Variants in DST observed in about 807,000 individuals in gnomAD.
DST encodes bullous pemphigoid antigen.
In DST, 253 loss-of-function variants were observed where a neutral mutation model predicts 875.2. The observed-to-expected ratio is 0.29, with a 90% confidence interval of 0.26 to 0.32. DST has a LOEUF of 0.32. Among genes scored for constraint, DST ranks in the 10% least tolerant of loss-of-function variants. The pLI is 1.00. For synonymous variants in DST, 3,124 were observed against 3,197.1 expected, an observed-to-expected ratio of 0.98 and a Z score of 0.77; for missense variants, 8,287 against 9,111.6, an observed-to-expected ratio of 0.91 and a Z score of 3.68.
chr6:56,678,613 C>A (rs776005971), intron 9 of DST, among the ~76,000 whole-genome samples: 3 of 152,100 alleles, frequency 2.0e-5, no homozygotes, highest in African/African-American at 4.8e-5. Flanking sequence ...GATGCCATGT[C>A]AAAATAAAAG....
intron 92 of DST, 59 bp downstream of exon 92, chr6:56,476,090 G>A: frequency 7.1e-7 from 1 of 1,412,730 alleles, no homozygotes; most frequent in South Asian, 1.4e-5. Flanking sequence ...GTACAGCAGT[G>A]AAAGAAAGAA....
At position 56,572,100 on chromosome 6, in the gene DST, T is replaced by C; in HGVS notation, c.13721A>G (p.Lys4574Arg). Residue 4574 changes from lysine to arginine, a missense_variant and splice_region_variant, in exon 53 of 104, where the codon AAA becomes AGA. Transcript: ENST00000680361. ...FKEMEDTIKE[K>R]KEAVTSCQEQ... ...ATATAATTTTTAAAGTGGTACTTAC[T>C]TTTCTTTGATGGTATCCTCCATTTC... is the stretch of plus-strand genomic sequence containing the variant. 1 of 1,469,818 alleles carries C rather than the reference T, an allele frequency of 6.8e-7. No individual in the cohort carries two copies. Among genetic ancestry groups the C allele is most frequent in the Non-Finnish European group, 9.0e-7 (1 of 1,106,812 alleles). The allele number at this position is 1,469,818 out of a possible 1,614,324, so 91.0% of individuals were successfully genotyped here.
intron 36 of DST, among the ~76,000 whole-genome samples, chr6:56,621,475 G>A (rs2098690154): frequency 6.6e-6 from 1 of 152,114 alleles, no homozygotes. Flanking sequence ...TGTTGCTGTT[G>A]TTAATAACAT....
intron 85 of DST, among the ~76,000 whole-genome samples, chr6:56,491,910 G>T (rs573348854): frequency 1.3e-5 from 2 of 152,254 alleles, no homozygotes; most frequent in Non-Finnish European, 2.9e-5. Context: ...AAAGGACAAA[G>T]AAAAAGAAAA....
chr6:56,915,910 T>G (rs1186194741), intron 2 of DST, among the ~76,000 whole-genome samples: 1 of 152,234 alleles, frequency 6.6e-6, no homozygotes, highest in Admixed American at 6.5e-5. Flanking sequence ...TCCAGTAATA[T>G]CTTTGTCTTC....
At chr6:56,925,441 T>C (rs1177437566) in intron 2 of DST, among the ~76,000 whole-genome samples, 1 of 152,242 alleles carries the variant, frequency 6.6e-6, no homozygotes, top group South Asian at 2.1e-4. Context: ...ACTCTGCCCC[T>C]GGCAGAGATG....
At chr6:56,570,143 T>C in intron 53 of DST, 131 bp from the exon 54 acceptor site, 1 of 640,346 alleles carries the variant, frequency 1.6e-6, no homozygotes, top group Non-Finnish European at 2.5e-6. Flanking sequence ...AGGAAAGGTT[T>C]CATAGGTGAC....
At chr6:56,591,949 T>A (rs4712137) in intron 49 of DST, among the ~76,000 whole-genome samples, 4 of 133,558 alleles carry the variant, frequency 3.0e-5, no homozygotes, top group Non-Finnish European at 6.1e-5. Flanking sequence ...ACTACTGCAC[T>A]CCAGCCTACA....
chr6:56,470,727 T>G (rs7756839), intron 95 of DST, among the ~76,000 whole-genome samples: 5,855 of 141,124 alleles, frequency 0.041, 369 homozygotes, highest in African/African-American at 0.13. Flanking sequence ...GAATGTGAAT[T>G]AGAATGAAAA....
chr6:56,656,446 A>G lies in DST; in HGVS notation c.1215-5202T>C, dbSNP rs12173941. On this transcript the variant is annotated intron_variant, in intron 10 of 103. Transcript: ENST00000680361. Reference sequence around the variant, plus strand: ...ATAAAGTAATAACAATCACAAAACAACAACAGGGACTAATAAATACTGATA... The same window carrying G: ...ATAAAGTAATAACAATCACAAAACAGCAACAGGGACTAATAAATACTGATA... Among the ~76,000 whole-genome samples the G allele has an allele frequency of 2.2e-3, 334 of 152,364 alleles. 9 individuals carry two copies. The East Asian group carries it at 0.051, about 23-fold the overall frequency.
chr6:56,543,603 A>G (rs1186087018), intron 61 of DST, among the ~76,000 whole-genome samples: 2 of 152,246 alleles, frequency 1.3e-5, no homozygotes, highest in South Asian at 4.1e-4. Flanking sequence ...TTATTTAAAT[A>G]AAATCTAAAC....
rs138306091 is a variant in DST at position 56,465,560 on chromosome 6, A to G, written c.22687+518T>C. ...TAGAGAGCTATAGTATTATATGTTT[A>G]TATTTTTAATGTTCTAATCTGCAAC... On this transcript the variant is annotated intron_variant, in intron 99 of 103. Coordinates refer to ENST00000680361, the MANE Select transcript of DST (RefSeq NM_001374736.1). Among the ~76,000 whole-genome samples, 41 of 152,038 alleles carry G rather than the reference A, an allele frequency of 2.7e-4. No homozygotes were observed. The East Asian group carries it at 4.0e-3, about 15-fold the overall frequency.
At chr6:56,770,011 AAG>A (rs2099645998) in intron 4 of DST, among the ~76,000 whole-genome samples, 1 of 152,188 alleles carries the variant, frequency 6.6e-6, no homozygotes, top group Non-Finnish European at 1.5e-5. Context: ...ATTTTGGCTA[AAG>A]AGTTATTTAT....
In DST at chr6:56,528,896, T is replaced by C. The variant is rs974076623; in HGVS notation, c.17625A>G (p.Lys5875=). Residue 5875 remains lysine (K), a synonymous_variant, in exon 67 of 104, where the codon AAA becomes AAG. Transcript: ENST00000680361. ...TTAGTAAAGCCTGATCTACATTTTG[T>C]TTCCTGAGTAAGATGTCCTCTTGCA... ...RVLQEDILLR[K]QNVDQALLNG... 1 of 1,586,586 alleles carries C rather than the reference T, an allele frequency of 6.3e-7. No homozygotes were observed. The highest frequency in any genetic ancestry group is 2.3e-5 in the East Asian group (1 of 44,374).
At chr6:56,530,509 T>C (rs983670641) in intron 64 of DST, among the ~76,000 whole-genome samples, 2 of 152,208 alleles carry the variant, frequency 1.3e-5, no homozygotes, top group African/African-American at 2.4e-5. Flanking sequence ...AAGTGCTTTA[T>C]ATATTAATTT....
rs1346990489 is a variant in DST at position 56,560,329 on chromosome 6, T to C, written c.14405A>G (p.Glu4802Gly). Residue 4802 changes from glutamate to glycine, a missense_variant, in exon 58 of 104, where the codon GAG (glutamate) becomes GGG (glycine). By Grantham distance (98) the Glu-to-Gly change is moderately conservative (BLOSUM62 -2). This residue lies in a region of DST where 1,513 missense variants were observed against 1,677.8 expected (regional missense o/e 0.90). Transcript: ENST00000680361. ...CAACATCTGTTTCCATCTGGGGGCC[T>C]CAGGAGTATCTGGGTTCTCCTCCAA... ...ELLEENPDTP[E>G]APRWKQMLTE... is the part of the protein sequence containing the mutation. The C allele has an allele frequency of 4.3e-6, 7 of 1,611,530 alleles. No individual in the cohort carries two copies. Among genetic ancestry groups the C allele is most frequent in the Non-Finnish European group, 5.9e-6 (7 of 1,178,660 alleles).
intron 3 of DST, among the ~76,000 whole-genome samples, chr6:56,886,224 T>C (rs1257232607): frequency 6.6e-6 from 1 of 152,136 alleles, no homozygotes. Flanking sequence ...TCTCTAAGCA[T>C]TGTCAGAGAT....
chr6:56,593,787 ACT>A lies in DST; in HGVS notation c.12600_12601del (p.Arg4200SerfsTer17), dbSNP rs767199911. On this transcript the variant is annotated frameshift_variant, in exon 48 of 104. Coordinates refer to ENST00000680361, the MANE Select transcript of DST (RefSeq NM_001374736.1). LOFTEE classifies it high-confidence loss of function. Reference sequence around the variant, plus strand: ...GCTGCAAGATTTGGCAGCTTCCAACACTCTGTTTCCAGAAATTGTGATGTATC... The same window carrying A: ...GCTGCAAGATTTGGCAGCTTCCAACACTGTTTCCAGAAATTGTGATGTATC... 1 of 1,613,688 alleles carries A rather than the reference ACT, an allele frequency of 6.2e-7. No homozygotes were observed. The highest frequency in any genetic ancestry group is 8.5e-7 in the Non-Finnish European group (1 of 1,179,816).
rs1449081397 is a variant in DST at position 56,506,767 on chromosome 6, C to G, written c.19262G>C (p.Gly6421Ala). The G allele has an allele frequency of 1.2e-6, 2 of 1,612,510 alleles. No homozygotes were observed. Among genetic ancestry groups the G allele is most frequent in the Admixed American group, 1.7e-5 (1 of 59,820 alleles). Residue 6421 changes from glycine (G) to alanine (A), a missense_variant, in exon 76 of 104, where the codon GGA becomes GCA. Physicochemically the swap from Gly to Ala is moderately conservative, Grantham distance 60. Transcript: ENST00000680361. ...AAETIREEID[G>A]LQEELDIVIN... is the part of the protein sequence containing the mutation. ...AACTATATCCAGCTCCTCCTGTAGT[C>G]CATCTATTTCTTCCCTTATGGTCTA...
Sources: gnomAD v4.1 joint callset for allele counts (sites outside exome capture counted in the v4.1 genomes callset) on GRCh38, gnomAD v4.1.1 for gene constraint, gnomAD v4.1.1 regional missense constraint, MANE v1.5 for transcripts, NCBI Gene and HGNC (gene_info 2026-07-23, HGNC 2026-07-21) for gene names.